CCSER1: variants seen among roughly 807,000 people sequenced by gnomAD.
CCSER1 encodes serine-rich coiled-coil domain-containing protein 1.
CCSER1 carries 41 observed loss-of-function variants against 82.0 expected under a neutral mutation model. That is an observed-to-expected ratio of 0.50 (90% CI 0.39 to 0.65). CCSER1 has a LOEUF of 0.65. CCSER1 is among the 30% of genes least tolerant of loss of function. CCSER1 has a pLI of 0.00. For missense variants in CCSER1, 1,119 were observed against 1,064.2 expected, an observed-to-expected ratio of 1.05 and a Z score of -0.72; for synonymous variants, 414 against 383.9, an observed-to-expected ratio of 1.08 and a Z score of -0.92.
At chr4:91,078,352 C>A (rs1209295538) in intron 9 of CCSER1, among the ~76,000 whole-genome samples, 1 of 152,172 alleles carries the variant, frequency 6.6e-6, no homozygotes, top group Non-Finnish European at 1.5e-5. Flanking sequence ...AACAGACCTG[C>A]AGCTGAAGGT....
intron 10 of CCSER1, among the ~76,000 whole-genome samples, chr4:91,190,233 C>T (rs1734888135): frequency 6.6e-6 from 1 of 152,186 alleles, no homozygotes. Flanking sequence ...CAGTTAGATA[C>T]AAAACCAGAT....
At chr4:91,165,008 G>A (rs1731878459) in intron 10 of CCSER1, among the ~76,000 whole-genome samples, 3 of 152,182 alleles carry the variant, frequency 2.0e-5, no homozygotes, top group African/African-American at 7.2e-5. Flanking sequence ...AAGGAGAAGA[G>A]GTGCTCTAAT....
intron 10 of CCSER1, among the ~76,000 whole-genome samples, chr4:91,564,847 AG>A (rs1186915327): frequency 2.3e-4 from 35 of 151,968 alleles, no homozygotes; most frequent in Non-Finnish European, 3.1e-4. Context: ...TGCTGCTGAT[AG>A]TTTTGTTTGC....
intron 8 of CCSER1, among the ~76,000 whole-genome samples, chr4:90,907,411 C>T (rs188668814): frequency 2.0e-4 from 31 of 152,110 alleles, no homozygotes; most frequent in Admixed American, 3.9e-4. Context: ...TTCTTCTGGA[C>T]CTATTTCCTG....
At chr4:90,425,178 A>T (rs931972495) in intron 4 of CCSER1, among the ~76,000 whole-genome samples, 4 of 152,082 alleles carry the variant, frequency 2.6e-5, no homozygotes, top group African/African-American at 9.7e-5. Context: ...TTATCTTTTA[A>T]CCCACTCTAT....
chr4:90,859,927 A>C (rs1044719012), intron 8 of CCSER1, among the ~76,000 whole-genome samples: 2,345 of 151,804 alleles, frequency 0.015, 69 homozygotes, highest in African/African-American at 0.053. Context: ...AGACAGTTGT[A>C]TTTAAAAATT....
chr4:90,356,017 T>C (rs1190985099), intron 3 of CCSER1, among the ~76,000 whole-genome samples: 1 of 151,964 alleles, frequency 6.6e-6, no homozygotes, highest in African/African-American at 2.4e-5. Flanking sequence ...TCATTATATT[T>C]AGAAATTTTT....
At chr4:90,383,882 T>C in intron 3 of CCSER1, among the ~76,000 whole-genome samples, 1 of 151,992 alleles carries the variant, frequency 6.6e-6, no homozygotes, top group Non-Finnish European at 1.5e-5. Flanking sequence ...CAGGCCTGTG[T>C]CCTGCCACCA....
intron 10 of CCSER1, among the ~76,000 whole-genome samples, chr4:91,092,902 G>A (rs114219248): frequency 0.012 from 1,761 of 152,246 alleles, 39 homozygotes; most frequent in African/African-American, 0.041. Context: ...GAAGCTCACT[G>A]GTGTCCCTTG....
At chr4:90,850,189 C>T (rs1457377745) in intron 8 of CCSER1, among the ~76,000 whole-genome samples, 2 of 152,212 alleles carry the variant, frequency 1.3e-5, no homozygotes, top group African/African-American at 4.8e-5. Context: ...TTGGGAACCT[C>T]TGCCTAGATT....
At chr4:91,236,727 G>T (rs1221460172) in intron 10 of CCSER1, among the ~76,000 whole-genome samples, 1 of 152,068 alleles carries the variant, frequency 6.6e-6, no homozygotes, top group Non-Finnish European at 1.5e-5. Context: ...AATTTAAAAA[G>T]CTTATATATG....
chr4:91,137,074 A>G (rs1444454002), intron 10 of CCSER1, among the ~76,000 whole-genome samples: 2 of 149,294 alleles, frequency 1.3e-5, no homozygotes, highest in Non-Finnish European at 3.0e-5. Flanking sequence ...GGTTAGTTAC[A>G]TATGTATACA....
intron 1 of CCSER1, among the ~76,000 whole-genome samples, chr4:90,232,517 A>G (rs1271965587): frequency 1.3e-5 from 2 of 151,574 alleles, no homozygotes; most frequent in Non-Finnish European, 1.5e-5. Flanking sequence ...AACCATAAAA[A>G]CCCTAGAAGA....
At chr4:90,221,753 A>G (rs1359158431) in intron 1 of CCSER1, among the ~76,000 whole-genome samples, 2 of 152,144 alleles carry the variant, frequency 1.3e-5, no homozygotes, top group Non-Finnish European at 2.9e-5. Flanking sequence ...TGACAGCGGA[A>G]GTAGGAATGA....
intron 6 of CCSER1, among the ~76,000 whole-genome samples, chr4:90,706,594 T>G (rs982677198): frequency 3.6e-4 from 55 of 152,226 alleles, no homozygotes; most frequent in African/African-American, 1.3e-3. Context: ...AGAGAGATTC[T>G]GGTGAATACT....
At chr4:90,709,951 T>TTG (rs1740218204) in intron 6 of CCSER1, among the ~76,000 whole-genome samples, 1 of 151,532 alleles carries the variant, frequency 6.6e-6, no homozygotes, top group African/African-American at 2.4e-5. Flanking sequence ...CATCTGTTTT[T>TTG]TTTTTTTTTT....
At chr4:90,872,469 T>A (rs1193167699) in intron 8 of CCSER1, among the ~76,000 whole-genome samples, 1 of 151,924 alleles carries the variant, frequency 6.6e-6, no homozygotes, top group Non-Finnish European at 1.5e-5. Context: ...ACAACAAAAA[T>A]AGCAAGCAAG....
chr4:90,469,883 T>G (rs1178977153), intron 5 of CCSER1, among the ~76,000 whole-genome samples: 3 of 152,160 alleles, frequency 2.0e-5, no homozygotes, highest in African/African-American at 4.8e-5. Flanking sequence ...TTCAGATGTT[T>G]TCAGATTTTG....
intron 8 of CCSER1, among the ~76,000 whole-genome samples, chr4:90,842,252 A>G (rs1353071381): frequency 6.6e-6 from 1 of 152,196 alleles, no homozygotes; most frequent in Non-Finnish European, 1.5e-5. Flanking sequence ...TACATTAATA[A>G]TCTCATTAAA....
Sources: allele counts gnomAD v4.1 joint callset (sites outside exome capture counted in the v4.1 genomes callset), GRCh38; gene constraint gnomAD v4.1.1; transcripts MANE v1.5; gene names NCBI Gene and HGNC (gene_info 2026-07-23, HGNC 2026-07-21).